TBL1X: variants seen among roughly 807,000 people sequenced by gnomAD.
TBL1X encodes the protein transducin beta like 1 X-linked.
Under a neutral mutation model 50.7 loss-of-function variants are expected in TBL1X, and 10 were observed. That is an observed-to-expected ratio of 0.20 (90% CI 0.12 to 0.33). TBL1X has a LOEUF of 0.33. Ranked by LOEUF, TBL1X falls within the 10% of genes least tolerant of loss-of-function variation. The pLI is 1.00. For missense variants in TBL1X, 340 were observed against 504.4 expected (o/e 0.67, Z 3.12); for synonymous variants, 190 against 214.7 (o/e 0.88, Z 1.01).
chrX:9,659,068 T>TCCC (rs5901409), intron 5 of TBL1X, among the ~76,000 whole-genome samples: 2 of 109,388 alleles, frequency 1.8e-5, no homozygotes, highest in African/African-American at 3.3e-5. Flanking sequence ...CAAGAGATCC[T>TCCC]CCCCCCCGGC....
chrX:9,718,115 C>G lies in TBL1X; in HGVS notation c.*1869C>G, dbSNP rs914204487. The G allele has an allele frequency of 9.1e-6, 1 of 110,464 alleles. No homozygotes were observed. Among genetic ancestry groups the G allele is most frequent in the Non-Finnish European group, 1.9e-5 (1 of 52,873 alleles). 9.1% of individuals were successfully genotyped at this position (110,464 alleles called of 1,213,427 possible). ...GGGCAGAAGGGCTGAGGAAGATGGC[C>G]CAGCCCGTGGGGGCTGCTGGGTCAC... On this transcript the variant is annotated 3_prime_UTR_variant, in exon 18 of 18. Coordinates refer to ENST00000645353, the MANE Select transcript of TBL1X (RefSeq NM_005647.4).
chrX:9,644,344 T>G (rs906768806), intron 3 of TBL1X, among the ~76,000 whole-genome samples: 1 of 112,245 alleles, frequency 8.9e-6, no homozygotes, highest in African/African-American at 3.2e-5. Flanking sequence ...CAAGGCAGTC[T>G]GCTCTGAAAT....
intron 1 of TBL1X, among the ~76,000 whole-genome samples, chrX:9,500,009 G>A (rs1361337018): frequency 9.2e-6 from 1 of 109,186 alleles, no homozygotes; most frequent in Non-Finnish European, 1.9e-5. Context: ...TCTTGGCTGG[G>A]TGTGGTGGCT....
intron 2 of TBL1X, among the ~76,000 whole-genome samples, chrX:9,513,085 G>A (rs1204065615): frequency 9.0e-6 from 1 of 110,757 alleles, no homozygotes; most frequent in African/African-American, 3.3e-5. Flanking sequence ...GGCACCCGGA[G>A]GAAGCCCCCA....
intron 2 of TBL1X, among the ~76,000 whole-genome samples, chrX:9,546,803 A>ATTTTTTTTTTTTTTTT (rs774181046): frequency 2.2e-5 from 1 of 44,979 alleles, no homozygotes; most frequent in Non-Finnish European, 3.8e-5. Flanking sequence ...TTTATTCTTA[A>ATTTTTTTTTTTTTTTT]TTTTTTTTTT....
At chrX:9,546,904 C>T (rs1421498221) in intron 2 of TBL1X, among the ~76,000 whole-genome samples, 1 of 96,577 alleles carries the variant, frequency 1.0e-5, no homozygotes, top group Non-Finnish European at 2.0e-5. Flanking sequence ...CTGCAAGCTC[C>T]GCCTCCTGGG....
chrX:9,569,606 C>T (rs1314636843), intron 2 of TBL1X, among the ~76,000 whole-genome samples: 1 of 111,899 alleles, frequency 8.9e-6, no homozygotes, highest in African/African-American at 3.2e-5. Flanking sequence ...TTGGAGGCTG[C>T]AGTGAGCTGT....
chrX:9,666,442 A>T (rs943124015), intron 5 of TBL1X, among the ~76,000 whole-genome samples: 4 of 112,046 alleles, frequency 3.6e-5, no homozygotes, highest in African/African-American at 1.3e-4. Flanking sequence ...CTAAAAAAAA[A>T]TTGTCAGAAA....
intron 2 of TBL1X, among the ~76,000 whole-genome samples, chrX:9,618,354 T>A (rs16985611): frequency 0.056 from 6,191 of 111,446 alleles, 261 homozygotes; most frequent in African/African-American, 0.14. Context: ...AGGAACTAGA[T>A]GAAAGGATCA....
chrX:9,500,947 C>T (rs1455411419), intron 1 of TBL1X, among the ~76,000 whole-genome samples: 2 of 112,063 alleles, frequency 1.8e-5, no homozygotes, highest in Non-Finnish European at 3.8e-5. Flanking sequence ...TACTGCTGAA[C>T]ATCCCACAGT....
intron 13 of TBL1X, 77 bp downstream of exon 13, chrX:9,705,191 T>A (rs1480716413): frequency 2.0e-5 from 24 of 1,186,046 alleles, no homozygotes; most frequent in Admixed American, 4.6e-5. Context: ...TGCCTAGAAT[T>A]AAAAGCTACT....
At chrX:9,607,695 A>C (rs1332738130) in intron 2 of TBL1X, among the ~76,000 whole-genome samples, 1 of 112,929 alleles carries the variant, frequency 8.9e-6, no homozygotes, top group Non-Finnish European at 1.9e-5. Context: ...TCCAGCTGAG[A>C]TGGGCAACCA....
At chrX:9,711,126 G>A (rs1375217413) in intron 15 of TBL1X, among the ~76,000 whole-genome samples, 1 of 111,000 alleles carries the variant, frequency 9.0e-6, no homozygotes, top group Non-Finnish European at 1.9e-5. Context: ...AGGATCTCTT[G>A]AGCCCAGAGG....
Position 9,711,752 on chromosome X carries a change from G to A in TBL1X, c.1581G>A (p.Lys527=), listed in dbSNP as rs778751367. ...ACTTGGCCAGTGGATCCTTCGACAAGTGCGTCCATATCTGGAATACTCAGG... is the reference window on the plus strand; with the variant it reads ...ACTTGGCCAGTGGATCCTTCGACAAATGCGTCCATATCTGGAATACTCAGG... ...GKYLASGSFD[K]CVHIWNTQSG... The change falls in exon 16 of 18, where the codon AAG becomes AAA. Residue 527 remains lysine (K), a synonymous_variant. Coordinates refer to ENST00000645353, the MANE Select transcript of TBL1X (RefSeq NM_005647.4). The A allele has an allele frequency of 1.2e-5, 14 of 1,201,620 alleles. No individual in the cohort carries two copies. The highest frequency in any genetic ancestry group is 1.6e-5 in the Non-Finnish European group (14 of 890,338).
At chrX:9,486,371 C>A (rs1192542368) in intron 1 of TBL1X, among the ~76,000 whole-genome samples, 1 of 109,792 alleles carries the variant, frequency 9.1e-6, no homozygotes, top group Non-Finnish European at 1.9e-5. Context: ...GCAGCTAGGA[C>A]TACAGGTGTG....
rs367940114 is a variant in TBL1X, at chrX:9,556,661, G to GA, written c.-131+54824dup. 3.0e-3 allele frequency among the ~76,000 whole-genome samples: 301 copies of GA among 101,806 alleles called. 1 individual carries two copies. The highest frequency in any genetic ancestry group is 0.01 in the Middle Eastern group (2 of 194). The allele number at this position is 101,806 out of a possible 115,157, so 88.4% of individuals were successfully genotyped here. A position where few individuals can be genotyped will look rare whatever the true frequency, so the allele number is the denominator to read the frequency against. On this transcript the variant is annotated intron_variant, in intron 2 of 17. Transcript: ENST00000645353. ...ATCTTGTCTCTATAAAAAGAAACTG[G>GA]AAAAAAAAAAAAGTAGTTCTAGAGG...
At chrX:9,652,992 C>T in intron 3 of TBL1X, among the ~76,000 whole-genome samples, 1 of 111,280 alleles carries the variant, frequency 9.0e-6, no homozygotes. Flanking sequence ...TGGTGAAACC[C>T]CGTCTCTACA....
intron 2 of TBL1X, among the ~76,000 whole-genome samples, chrX:9,597,649 G>A (rs1014015250): frequency 3.6e-5 from 4 of 111,909 alleles, no homozygotes; most frequent in South Asian, 3.7e-4. Context: ...GAAATGCCCC[G>A]AATTTATGGG....
chrX:9,689,771 C>G (rs1294928318), intron 7 of TBL1X, among the ~76,000 whole-genome samples: 1 of 112,987 alleles, frequency 8.9e-6, no homozygotes, highest in Non-Finnish European at 1.9e-5. Context: ...TTCCCTCTTG[C>G]CATCACCAGG....
Sources: gnomAD v4.1 joint callset for allele counts (sites outside exome capture counted in the v4.1 genomes callset) on GRCh38, gnomAD v4.1.1 for gene constraint, MANE v1.5 for transcripts, NCBI Gene and HGNC (gene_info 2026-07-23, HGNC 2026-07-21) for gene names.